The following UVRAG variants were observed in gnomAD, a reference collection of about 807,000 sequenced individuals.
UVRAG encodes UV radiation resistance-associated gene protein.
UVRAG carries 19 observed loss-of-function variants against 78.0 expected under a neutral mutation model. The ratio of observed to expected loss-of-function variants is 0.24; its 90% CI spans 0.17 to 0.36. The LOEUF (loss-of-function observed/expected upper bound fraction) is 0.36. UVRAG is among the 10% of genes least tolerant of loss of function. The pLI, the probability that UVRAG is intolerant of heterozygous loss-of-function variation, is 1.00. For synonymous variants in UVRAG, 323 were observed against 324.6 expected (o/e 1.00, Z 0.05); for missense variants, 740 against 853.8 (o/e 0.87, Z 1.66).
At chr11:76,121,201 G>A (rs1452580716) in intron 14 of UVRAG, among the ~76,000 whole-genome samples, 2 of 152,016 alleles carry the variant, frequency 1.3e-5, no homozygotes, top group African/African-American at 2.4e-5. Flanking sequence ...GAGAATGATC[G>A]ACCTGATTAA....
intron 3 of UVRAG, among the ~76,000 whole-genome samples, chr11:75,877,718 G>A (rs546819117): frequency 1.4e-5 from 2 of 142,118 alleles, no homozygotes; most frequent in South Asian, 2.3e-4. Context: ...TGGACGGGGC[G>A]GCTGGCCGGG....
At chr11:76,089,519 G>A (rs1474708446) in intron 13 of UVRAG, among the ~76,000 whole-genome samples, 4 of 152,198 alleles carry the variant, frequency 2.6e-5, no homozygotes, top group Non-Finnish European at 5.9e-5. Context: ...GATGCCATTT[G>A]AAGAATTGAA....
At chr11:75,968,539 T>C (rs189669658) in intron 7 of UVRAG, among the ~76,000 whole-genome samples, 3 of 152,324 alleles carry the variant, frequency 2.0e-5, no homozygotes, top group African/African-American at 7.2e-5. Context: ...TGAGCCAGTT[T>C]CTGAACATGG....
At chr11:76,074,164 A>G (rs1045614471) in intron 13 of UVRAG, among the ~76,000 whole-genome samples, 4 of 152,264 alleles carry the variant, frequency 2.6e-5, no homozygotes, top group Admixed American at 2.0e-4. Context: ...TTATTGATAC[A>G]TATGACCCAT....
chr11:75,994,020 C>T (rs887335139), intron 8 of UVRAG, among the ~76,000 whole-genome samples: 3 of 152,172 alleles, frequency 2.0e-5, no homozygotes, highest in African/African-American at 4.8e-5. Context: ...TGTGAGGGAT[C>T]CATCCCCATG....
chr11:75,879,846 T>G (rs1054183321), intron 3 of UVRAG, 33 bp from the exon 4 acceptor site: 2 of 1,599,880 alleles, frequency 1.3e-6, no homozygotes, highest in African/African-American at 2.7e-5. Context: ...CAAATAGAGT[T>G]GTCCTAAAGC....
At chr11:75,920,018 T>G (rs960117457) in intron 6 of UVRAG, among the ~76,000 whole-genome samples, 2 of 92,408 alleles carry the variant, frequency 2.2e-5, no homozygotes, top group African/African-American at 1.3e-4. Context: ...GTTTTTTTTT[T>G]TTTTTTTTTT....
chr11:76,078,752 CAAAAAAAAAA>C (rs61700855), intron 13 of UVRAG, among the ~76,000 whole-genome samples: 41 of 37,202 alleles, frequency 1.1e-3, no homozygotes, highest in Admixed American at 2.3e-3. Flanking sequence ...ACTAAAAATA[CAAAAAAAAAA>C]AAAAAAAAAA....
chr11:75,891,205 A>T (rs1045027030), intron 5 of UVRAG, among the ~76,000 whole-genome samples: 1 of 152,194 alleles, frequency 6.6e-6, no homozygotes, highest in Non-Finnish European at 1.5e-5. Flanking sequence ...TCTAGCCTGT[A>T]AGCTTTTGAA....
chr11:76,001,183 A>G (rs1057038933), intron 8 of UVRAG, among the ~76,000 whole-genome samples: 12 of 152,204 alleles, frequency 7.9e-5, no homozygotes, highest in Admixed American at 7.2e-4. Flanking sequence ...ACTAACAGAA[A>G]AATGTCTGGA....
At position 75,836,664 on chromosome 11, in the gene UVRAG, T is replaced by G. The variant is rs146449769; in HGVS notation, c.118-15219T>G. 1.6e-4 allele frequency among the ~76,000 whole-genome samples: 25 copies of G among 152,334 alleles called. No individual in the cohort carries two copies. In the East Asian group the frequency reaches 4.8e-3, roughly 29 times the overall value. On this transcript the variant is annotated intron_variant, in intron 1 of 14. Coordinates refer to ENST00000356136, the MANE Select transcript of UVRAG (RefSeq NM_003369.4). The stretch of plus-strand genomic sequence containing the variant: ...CCACGAAAAAGCAGCTTCCCTCTCC[T>G]GTGCATGTATCAACTTCCTCTTCTG...
chr11:75,927,446 A>C (rs1280026675), intron 6 of UVRAG, among the ~76,000 whole-genome samples: 2 of 152,170 alleles, frequency 1.3e-5, no homozygotes, highest in Non-Finnish European at 2.9e-5. Flanking sequence ...AGCTATGTTT[A>C]TTGAGTGTTG....
intron 3 of UVRAG, among the ~76,000 whole-genome samples, chr11:75,863,499 A>G (rs1363243091): frequency 6.6e-6 from 1 of 152,190 alleles, no homozygotes; most frequent in African/African-American, 2.4e-5. Context: ...TGTCATAATA[A>G]TAGACCCTAT....
intron 14 of UVRAG, 75 bp from the exon 15 acceptor site, chr11:76,140,636 C>G (rs1952700046): frequency 1.4e-6 from 2 of 1,396,772 alleles, no homozygotes; most frequent in Non-Finnish European, 1.9e-6. Flanking sequence ...TATGCTGTTC[C>G]CTGTCTCTGG....
intron 13 of UVRAG, among the ~76,000 whole-genome samples, chr11:76,107,400 TG>T (rs2134453473): frequency 6.6e-6 from 1 of 152,336 alleles, no homozygotes; most frequent in Non-Finnish European, 1.5e-5. Flanking sequence ...ATTAATTCTA[TG>T]ATTCTGAAAG....
intron 12 of UVRAG, among the ~76,000 whole-genome samples, chr11:76,027,078 G>C (rs1242774909): frequency 6.6e-6 from 1 of 152,078 alleles, no homozygotes; most frequent in Non-Finnish European, 1.5e-5. Flanking sequence ...TGGAGAAACA[G>C]GTTGAAAGAT....
chr11:75,949,303 C>CT (rs1264509404), intron 6 of UVRAG, among the ~76,000 whole-genome samples: 1 of 151,968 alleles, frequency 6.6e-6, no homozygotes, highest in East Asian at 1.9e-4. Context: ...TTTTGCAGGA[C>CT]TTTTTTCCCC....
Position 76,078,688 on chromosome 11 carries a change from G to A in UVRAG, c.1305+12900G>A, listed in dbSNP as rs1397705195. On this transcript the variant is annotated intron_variant, in intron 13 of 14. Coordinates refer to ENST00000356136, the MANE Select transcript of UVRAG (RefSeq NM_003369.4). Reference sequence around the variant, plus strand: ...GGAGGCCGAGGTGTGCGGATCACGAGGTCAGGAGATTGAGACCATCCTGGC... The same window carrying A: ...GGAGGCCGAGGTGTGCGGATCACGAAGTCAGGAGATTGAGACCATCCTGGC... Among the ~76,000 whole-genome samples, 118 of 148,752 alleles carry A rather than the reference G, an allele frequency of 7.9e-4. 2 individuals carry two copies. Among genetic ancestry groups the A allele is most frequent in the Non-Finnish European group, 3.0e-5 (2 of 67,624 alleles).
rs1555089873 is a variant in UVRAG at position 75,932,296 on chromosome 11, T to TATTTATTG, written c.593+20259_593+20266dup. 6.7e-4 allele frequency among the ~76,000 whole-genome samples: 101 copies of TATTTATTG among 151,696 alleles called. 2 individuals are homozygous for TATTTATTG. Among genetic ancestry groups the TATTTATTG allele is most frequent in the African/African-American group, 2.4e-3 (97 of 41,216 alleles). On this transcript the variant is annotated intron_variant, in intron 6 of 14. Transcript: ENST00000356136. ...TTATTTATTTATTTATTTATTTATT[T>TATTTATTG]ATTTATTGAGATGGAGTCTCACTCT...
Sources: gnomAD v4.1 joint callset for allele counts (sites outside exome capture counted in the v4.1 genomes callset) on GRCh38, gnomAD v4.1.1 for gene constraint, MANE v1.5 for transcripts, NCBI Gene and HGNC (gene_info 2026-07-23, HGNC 2026-07-21) for gene names.